The following FGF10 variants were observed in gnomAD, a reference collection of about 807,000 sequenced individuals.
FGF10 encodes the protein fibroblast growth factor 10.
Under a neutral mutation model 19.8 loss-of-function variants are expected in FGF10, and 2 were observed. That is an observed-to-expected ratio of 0.10 (90% CI 0.04 to 0.32). FGF10 has a LOEUF of 0.32. Ranked by LOEUF, FGF10 falls within the 10% of genes least tolerant of loss-of-function variation. The pLI, the probability that FGF10 is intolerant of heterozygous loss-of-function variation, is 1.00. For synonymous variants in FGF10, 112 were observed against 94.0 expected, an observed-to-expected ratio of 1.19 and a Z score of -1.10; for missense variants, 191 against 246.3, an observed-to-expected ratio of 0.78 and a Z score of 1.50.
At position 44,345,456 on chromosome 5, in the gene FGF10, A is replaced by G. The variant is rs146771262; in HGVS notation, c.326-34926T>C. ...AAGTGAATGACCATTACCATCATCA[A>G]TATCTGACAATGTACAGGATCATTC... On this transcript the variant is annotated intron_variant, in intron 1 of 2. Transcript: ENST00000264664. Among the ~76,000 whole-genome samples, 363 of 151,864 alleles carry G rather than the reference A, an allele frequency of 2.4e-3. 1 individual carries two copies. The highest frequency in any genetic ancestry group is 8.3e-3 in the African/African-American group (345 of 41,482).
intron 1 of FGF10, among the ~76,000 whole-genome samples, chr5:44,311,890 G>A (rs968481401): frequency 4.6e-5 from 7 of 151,972 alleles, no homozygotes; most frequent in South Asian, 4.1e-4. Flanking sequence ...GCTTATTCTC[G>A]AGAGATGAAT....
Position 44,303,501 on chromosome 5 carries a change from T to C in FGF10, c.*1494A>G, listed in dbSNP as rs1740006071. On this transcript the variant is annotated 3_prime_UTR_variant, in exon 3 of 3. Transcript: ENST00000264664. ...GCTTAAAAGTATTTAGAACAAATAG[T>C]ATTTTTCTACATTTTTAAAATCACT... The C allele has an allele frequency of 6.6e-6, 1 of 152,196 alleles. No individual in the cohort carries two copies. The highest frequency in any genetic ancestry group is 2.1e-4 in the South Asian group (1 of 4,834). The allele number at this position is 152,196 out of a possible 1,614,324, so 9.4% of individuals were successfully genotyped here. A position where few individuals can be genotyped will look rare whatever the true frequency, so the allele number is the denominator to read the frequency against.
chr5:44,311,259 T>C (rs1192017122), intron 1 of FGF10, among the ~76,000 whole-genome samples: 2 of 151,962 alleles, frequency 1.3e-5, no homozygotes, highest in African/African-American at 2.4e-5. Flanking sequence ...TATACACAAG[T>C]TTCGATTGCT....
At chr5:44,325,290 C>CTG (rs955000586) in intron 1 of FGF10, among the ~76,000 whole-genome samples, 2 of 151,958 alleles carry the variant, frequency 1.3e-5, no homozygotes, top group Non-Finnish European at 2.9e-5. Flanking sequence ...GTTGGTGGGA[C>CTG]TGTAAACTAG....
intron 1 of FGF10, among the ~76,000 whole-genome samples, chr5:44,386,519 C>T (rs745702722): frequency 1.1e-4 from 17 of 152,068 alleles, no homozygotes; most frequent in Non-Finnish European, 1.9e-4. Context: ...TGAATGACAC[C>T]ACAACTATTT....
chr5:44,338,177 C>T lies in FGF10; in HGVS notation c.326-27647G>A, dbSNP rs542560284. On this transcript the variant is annotated intron_variant, in intron 1 of 2. Coordinates refer to ENST00000264664, the MANE Select transcript of FGF10 (RefSeq NM_004465.2). ...TTTTATGCTCACAATTCTATAAAAG[C>T]TACCATTTAATATATTATCTTAAAT... Among the ~76,000 whole-genome samples the T allele has an allele frequency of 1.1e-4, 17 of 152,100 alleles. No homozygotes were observed. The East Asian group carries it at 3.3e-3, about 29-fold the overall frequency.
intron 1 of FGF10, among the ~76,000 whole-genome samples, chr5:44,381,566 G>C (rs895562475): frequency 2.6e-5 from 4 of 152,090 alleles, no homozygotes; most frequent in Admixed American, 6.5e-5. Context: ...CAGAAGCAGG[G>C]TTGTCACAGA....
rs200141272 is a variant in FGF10 at position 44,388,701 on chromosome 5, A to G, written c.-19T>C. 205 of 1,613,308 alleles carry G rather than the reference A, an allele frequency of 1.3e-4. No homozygotes were observed. Among genetic ancestry groups the G allele is most frequent in the Non-Finnish European group, 1.6e-4 (191 of 1,179,464 alleles). ...TCCACATTGTACTGAAACTCTCGGC[A>G]CTGGAAATTGTCTCATCAGAAGGAA... is the stretch of plus-strand genomic sequence containing the variant. On this transcript the variant is annotated 5_prime_UTR_variant, in exon 1 of 3. Coordinates refer to ENST00000264664, the MANE Select transcript of FGF10 (RefSeq NM_004465.2).
intron 1 of FGF10, among the ~76,000 whole-genome samples, chr5:44,378,119 A>G (rs1039176672): frequency 6.6e-6 from 1 of 152,160 alleles, no homozygotes; most frequent in Admixed American, 6.5e-5. Flanking sequence ...GCATCACCAG[A>G]ATACCTGTAT....
chr5:44,377,224 G>A (rs1340239409), intron 1 of FGF10, among the ~76,000 whole-genome samples: 1 of 152,162 alleles, frequency 6.6e-6, no homozygotes, highest in Non-Finnish European at 1.5e-5. Context: ...CCCTCAGTTA[G>A]AGACTGCTGT....
At chr5:44,327,841 CT>C (rs536639401) in intron 1 of FGF10, among the ~76,000 whole-genome samples, 186 of 152,318 alleles carry the variant, frequency 1.2e-3, no homozygotes, top group African/African-American at 4.3e-3. Flanking sequence ...ACCAGCTCCT[CT>C]TTTTATTGTT....
chr5:44,378,353 C>T (rs563287644), intron 1 of FGF10, among the ~76,000 whole-genome samples: 1 of 152,250 alleles, frequency 6.6e-6, no homozygotes, highest in African/African-American at 2.4e-5. Context: ...TTTCTTCTAC[C>T]AATTTCTTAA....
intron 1 of FGF10, among the ~76,000 whole-genome samples, chr5:44,373,967 C>T (rs1368830016): frequency 1.3e-5 from 2 of 152,114 alleles, no homozygotes; most frequent in Non-Finnish European, 2.9e-5. Flanking sequence ...ATGGCTTCTG[C>T]AACAAATTAC....
rs556029638 is a variant in FGF10, at chr5:44,350,942, G to A, written c.325+37416C>T. Among the ~76,000 whole-genome samples the A allele has an allele frequency of 8.6e-5, 13 of 151,318 alleles. No individual in the cohort carries two copies. In the East Asian group the frequency reaches 1.2e-3, roughly 14 times the overall value. Reference sequence around the variant, plus strand: ...TTTGGTAGCTTAGTAAATAATGCCCGCTGATAATTATTATATTTCACATGG... The same window carrying A: ...TTTGGTAGCTTAGTAAATAATGCCCACTGATAATTATTATATTTCACATGG... On this transcript the variant is annotated intron_variant, in intron 1 of 2. Coordinates refer to ENST00000264664, the MANE Select transcript of FGF10 (RefSeq NM_004465.2).
chr5:44,349,102 G>T (rs1741157271), intron 1 of FGF10, among the ~76,000 whole-genome samples: 1 of 151,156 alleles, frequency 6.6e-6, no homozygotes, highest in African/African-American at 2.4e-5. Context: ...AATAATTTAA[G>T]ATTAAATTAA....
intron 1 of FGF10, among the ~76,000 whole-genome samples, chr5:44,369,122 T>C (rs1181547379): frequency 1.3e-5 from 2 of 152,140 alleles, no homozygotes; most frequent in Non-Finnish European, 2.9e-5. Flanking sequence ...CTATAATTTG[T>C]ATACTCATGA....
At chr5:44,306,024 G>A (rs917083115) in intron 2 of FGF10, among the ~76,000 whole-genome samples, 21 of 152,088 alleles carry the variant, frequency 1.4e-4, no homozygotes, top group South Asian at 4.1e-4. Flanking sequence ...ACAAGGCTTC[G>A]CTCTCACTCA....
chr5:44,304,915 C>G lies in FGF10; in HGVS notation c.*80G>C. On this transcript the variant is annotated 3_prime_UTR_variant, in exon 3 of 3. Transcript: ENST00000264664. ...CTGCAACGTGTCTTTGCCTTTCAATCTACTGTCTTCATGAAGAATATCCAC... is the reference window on the plus strand; with the variant it reads ...CTGCAACGTGTCTTTGCCTTTCAATGTACTGTCTTCATGAAGAATATCCAC... The G allele has an allele frequency of 7.1e-7, 1 of 1,410,780 alleles. No individual in the cohort carries two copies. The highest frequency in any genetic ancestry group is 1.2e-5 in the South Asian group (1 of 86,458). The allele number at this position is 1,410,780 out of a possible 1,614,324, so 87.4% of individuals were successfully genotyped here. A position where few individuals can be genotyped will look rare whatever the true frequency, so the allele number is the denominator to read the frequency against.
chr5:44,321,004 A>G (rs1740472669), intron 1 of FGF10, among the ~76,000 whole-genome samples: 1 of 143,340 alleles, frequency 7.0e-6, no homozygotes, highest in Non-Finnish European at 1.5e-5. Flanking sequence ...TTTTCAAAAG[A>G]AAAAAAAAAA....
Sources: gnomAD v4.1 joint callset for allele counts (sites outside exome capture counted in the v4.1 genomes callset) on GRCh38, gnomAD v4.1.1 for gene constraint, MANE v1.5 for transcripts, NCBI Gene and HGNC (gene_info 2026-07-23, HGNC 2026-07-21) for gene names.